Variants in DACH1 observed in about 807,000 individuals in gnomAD.
DACH1 encodes the protein dachshund homolog 1.
In DACH1, 12 loss-of-function variants were observed where a neutral mutation model predicts 54.2. That is an observed-to-expected ratio of 0.22 (90% CI 0.14 to 0.36). The LOEUF (loss-of-function observed/expected upper bound fraction) is 0.36, where lower values mean the gene tolerates loss of function less well. DACH1 is among the 10% of genes least tolerant of loss of function. The pLI is 1.00. For missense variants in DACH1, 805 were observed against 929.8 expected (o/e 0.87, Z 1.75); for synonymous variants, 386 against 366.2 (o/e 1.05, Z -0.62).
At chr13:71,662,346 A>T (rs1049768735) in intron 2 of DACH1, among the ~76,000 whole-genome samples, 1 of 151,994 alleles carries the variant, frequency 6.6e-6, no homozygotes, top group Non-Finnish European at 1.5e-5. Context: ...AAATATAACA[A>T]CCATAAATGA....
At chr13:71,735,040 G>T (rs1036514110) in intron 1 of DACH1, among the ~76,000 whole-genome samples, 1 of 148,642 alleles carries the variant, frequency 6.7e-6, no homozygotes, top group Non-Finnish European at 1.5e-5. Context: ...TATATATATG[G>T]GATATACGTA....
At chr13:71,516,593 A>AT (rs1325068128) in intron 6 of DACH1, among the ~76,000 whole-genome samples, 1 of 151,844 alleles carries the variant, frequency 6.6e-6, no homozygotes, top group Non-Finnish European at 1.5e-5. Flanking sequence ...GATGGTATTT[A>AT]TTTTTCATTA....
chr13:71,754,737 C>G (rs1325789698), intron 1 of DACH1, among the ~76,000 whole-genome samples: 1 of 150,206 alleles, frequency 6.7e-6, no homozygotes, highest in Non-Finnish European at 1.5e-5. Context: ...TTAGACATAA[C>G]CAGGAAAAAA....
rs868295023 is a variant in DACH1, at chr13:71,572,888, T to C, written c.1251A>G (p.Ala417=). ...TGGATGGGGGACTCTGAACTTGTGC[T>C]GCTGCTGCCATATTTGCAATGGTGC... ...HLSTIANMAA[A]AQVQSPPSRV... The change falls in exon 4 of 11, where the codon GCA becomes GCG. Residue 417 remains alanine (A), a synonymous_variant. Coordinates refer to ENST00000613252, the MANE Select transcript of DACH1 (RefSeq NM_080759.6). The C allele has an allele frequency of 5.0e-6, 8 of 1,614,078 alleles. No individual in the cohort carries two copies. In the Middle Eastern group the frequency reaches 1.3e-3, roughly 266 times the overall value.
At chr13:71,769,782 A>T (rs999439570) in intron 1 of DACH1, among the ~76,000 whole-genome samples, 10 of 151,720 alleles carry the variant, frequency 6.6e-5, no homozygotes, top group African/African-American at 2.4e-4. Context: ...AATCCTCCAG[A>T]AGACCAAATA....
At position 71,806,050 on chromosome 13, in the gene DACH1, G is replaced by T. The variant is rs190661796; in HGVS notation, c.848+59872C>A. 7.9e-5 allele frequency among the ~76,000 whole-genome samples: 12 copies of T among 152,158 alleles called. No homozygotes were observed. The East Asian group carries it at 2.1e-3, about 27-fold the overall frequency. On this transcript the variant is annotated intron_variant, in intron 1 of 10. Coordinates refer to ENST00000613252, the MANE Select transcript of DACH1 (RefSeq NM_080759.6). ...TCGAACTCCCGACCTCAGGTGATCC[G>T]CCCACCTCAGTCTCCCAAAGTGCTG...
At chr13:71,517,267 C>T (rs1414080020) in intron 6 of DACH1, among the ~76,000 whole-genome samples, 1 of 151,826 alleles carries the variant, frequency 6.6e-6, no homozygotes, top group Admixed American at 6.6e-5. Flanking sequence ...ATTAAAATTA[C>T]TTATATGGCT....
At chr13:71,515,260 C>T (rs1007947481) in intron 6 of DACH1, among the ~76,000 whole-genome samples, 1 of 151,840 alleles carries the variant, frequency 6.6e-6, no homozygotes, top group African/African-American at 2.4e-5. Context: ...CCTGTAAGTG[C>T]AAGTAAAGTC....
chr13:71,765,951 A>C (rs903904207), intron 1 of DACH1, among the ~76,000 whole-genome samples: 10 of 141,488 alleles, frequency 7.1e-5, no homozygotes, highest in Admixed American at 1.5e-4. Flanking sequence ...CAGTGGCGCG[A>C]TCTCTGCTCA....
chr13:71,523,577 G>C (rs1881750420), intron 6 of DACH1, among the ~76,000 whole-genome samples: 2 of 152,196 alleles, frequency 1.3e-5, no homozygotes, highest in Non-Finnish European at 2.9e-5. Flanking sequence ...GAAGGGCCTA[G>C]AGAAATTTAA....
chr13:71,479,248 C>G lies in DACH1; in HGVS notation c.1791G>C (p.Glu597Asp). 1 of 1,613,788 alleles carries G rather than the reference C, an allele frequency of 6.2e-7. No individual in the cohort carries two copies. The highest frequency in any genetic ancestry group is 2.2e-5 in the East Asian group (1 of 44,808). Residue 597 changes from glutamate to aspartate, a missense_variant, in exon 8 of 11, where the codon GAG becomes GAC. By Grantham distance (45) the Glu-to-Asp change is conservative (BLOSUM62 2). Around this residue, in one of 3 missense-constraint regions of DACH1, gnomAD observed 472 missense variants for 545.3 expected, o/e 0.87. Transcript: ENST00000613252. ...TTTCCCTTAAAAAATCCATCTTCAG[C>G]TCAGTTTTTTCCAGTTGGACCTGTT... ...QEKQVQLEKT[E>D]LKMDFLRERE...
At chr13:71,554,252 A>G (rs1460285983) in intron 6 of DACH1, among the ~76,000 whole-genome samples, 3 of 152,118 alleles carry the variant, frequency 2.0e-5, no homozygotes, top group Non-Finnish European at 2.9e-5. Flanking sequence ...CACAAGAGAA[A>G]AGCATCACAT....
chr13:71,776,528 A>G (rs964922025), intron 1 of DACH1, among the ~76,000 whole-genome samples: 1 of 152,106 alleles, frequency 6.6e-6, no homozygotes, highest in African/African-American at 2.4e-5. Flanking sequence ...ATGCTAATTC[A>G]TTGTTTCCAT....
Position 71,536,773 on chromosome 13 carries a change from C to T in DACH1, c.1570+20251G>A, listed in dbSNP as rs148186627. On this transcript the variant is annotated intron_variant, in intron 6 of 10. Transcript: ENST00000613252. ...CCTCAATGTAGGAGACACTCTTGAG[C>T]TTTCTCTTTCTATCATCCTTTCCCC... Among the ~76,000 whole-genome samples the T allele has an allele frequency of 2.0e-3, 307 of 152,130 alleles. 2 individuals carry two copies. Among genetic ancestry groups the T allele is most frequent in the South Asian group, 0.015 (73 of 4,818 alleles).
At chr13:71,671,854 C>A (rs1051218003) in intron 2 of DACH1, among the ~76,000 whole-genome samples, 1 of 152,064 alleles carries the variant, frequency 6.6e-6, no homozygotes, top group Non-Finnish European at 1.5e-5. Context: ...CTCCACACAG[C>A]AAGGCTCTTT....
At chr13:71,464,442 A>G (rs569686901) in intron 10 of DACH1, 1 of 288,816 alleles carries the variant, frequency 3.5e-6, no homozygotes, top group Non-Finnish European at 6.7e-6. Flanking sequence ...TTATAAAAAC[A>G]TTTAAAACAT....
chr13:71,462,122 G>A (rs1407068637), intron 10 of DACH1, among the ~76,000 whole-genome samples: 1 of 151,830 alleles, frequency 6.6e-6, no homozygotes. Flanking sequence ...GGTGTAATTA[G>A]TAAGCTTAAG....
chr13:71,570,654 T>C, intron 4 of DACH1, among the ~76,000 whole-genome samples: 1 of 152,162 alleles, frequency 6.6e-6, no homozygotes, highest in Admixed American at 6.6e-5. Flanking sequence ...TTGGCACATA[T>C]CTTAAAACAT....
chr13:71,615,437 A>G (rs544443316), intron 3 of DACH1, among the ~76,000 whole-genome samples: 2 of 152,350 alleles, frequency 1.3e-5, no homozygotes, highest in Non-Finnish European at 2.9e-5. Flanking sequence ...TTAGAGCTGG[A>G]GTACATATTT....
Sources: allele counts gnomAD v4.1 joint callset (sites outside exome capture counted in the v4.1 genomes callset), GRCh38; gene constraint gnomAD v4.1.1; regional missense constraint gnomAD v4.1.1; transcripts MANE v1.5; gene names NCBI Gene and HGNC (gene_info 2026-07-23, HGNC 2026-07-21).